The following LRP1B variants were observed in gnomAD, a reference collection of about 807,000 sequenced individuals.
LRP1B encodes LDL receptor related protein 1B.
In LRP1B, 217 loss-of-function variants were observed where a neutral mutation model predicts 556.6. That is an observed-to-expected ratio of 0.39 (90% confidence interval 0.35 to 0.44). LRP1B has a LOEUF of 0.44. LRP1B is among the 20% of genes least tolerant of loss of function. The pLI is 1.00. For missense variants in LRP1B, 5,053 were observed against 5,620.8 expected (o/e 0.90, Z 3.23); for synonymous variants, 2,047 against 1,865.8 (o/e 1.10, Z -2.50).
chr2:140,464,740 T>G (rs973278322), intron 60 of LRP1B, among the ~76,000 whole-genome samples: 1 of 152,190 alleles, frequency 6.6e-6, no homozygotes. Context: ...CTATAAGTAC[T>G]TACTATAAGA....
intron 79 of LRP1B, among the ~76,000 whole-genome samples, chr2:140,329,400 TCAGGCAAGA>T (rs1680672868): frequency 6.6e-6 from 1 of 152,056 alleles, no homozygotes; most frequent in Non-Finnish European, 1.5e-5. Context: ...GCCAGGGCAA[TCAGGCAAGA>T]GAAAGAAATA....
chr2:141,175,317 A>G (rs1179086940), intron 7 of LRP1B, among the ~76,000 whole-genome samples: 4 of 152,160 alleles, frequency 2.6e-5, no homozygotes, highest in African/African-American at 9.7e-5. Flanking sequence ...AACCAAGACA[A>G]TGAAGAAAAC....
At chr2:141,082,277 C>G (rs1412294223) in intron 7 of LRP1B, among the ~76,000 whole-genome samples, 1 of 152,186 alleles carries the variant, frequency 6.6e-6, no homozygotes. Flanking sequence ...GAGGCCATAG[C>G]TTGGCAGACA....
At chr2:141,114,806 G>T (rs1441395690) in intron 7 of LRP1B, among the ~76,000 whole-genome samples, 3 of 151,856 alleles carry the variant, frequency 2.0e-5, no homozygotes, top group African/African-American at 7.3e-5. Flanking sequence ...AGGAAAATTC[G>T]TAATTAAGTG....
chr2:141,450,051 A>C (rs531632183), intron 3 of LRP1B, among the ~76,000 whole-genome samples: 6 of 152,304 alleles, frequency 3.9e-5, no homozygotes, highest in African/African-American at 1.4e-4. Flanking sequence ...ATGCAAATGC[A>C]TTTATTATTT....
chr2:141,914,758 C>T (rs995399352), intron 1 of LRP1B, among the ~76,000 whole-genome samples: 6 of 152,066 alleles, frequency 3.9e-5, no homozygotes, highest in Admixed American at 1.3e-4. Flanking sequence ...TCTCCCCCAT[C>T]TCCCACCGCA....
chr2:141,157,730 G>C (rs1483170498), intron 7 of LRP1B, among the ~76,000 whole-genome samples: 1 of 152,028 alleles, frequency 6.6e-6, no homozygotes, highest in East Asian at 1.9e-4. Context: ...AGACAGTCTA[G>C]TTATCATTTG....
chr2:141,277,961 C>T (rs767840036), intron 3 of LRP1B, among the ~76,000 whole-genome samples: 38 of 151,976 alleles, frequency 2.5e-4, no homozygotes, highest in Non-Finnish European at 4.1e-4. Context: ...TGCAATGACA[C>T]GTAAGAATAA....
intron 35 of LRP1B, among the ~76,000 whole-genome samples, chr2:140,756,156 G>T (rs1688735291): frequency 6.6e-6 from 1 of 151,690 alleles, no homozygotes; most frequent in Admixed American, 6.6e-5. Context: ...TCTGAAAACT[G>T]AAAATCATTT....
chr2:141,030,293 G>T (rs889240491), intron 11 of LRP1B, among the ~76,000 whole-genome samples: 3 of 151,968 alleles, frequency 2.0e-5, no homozygotes, highest in Non-Finnish European at 2.9e-5. Flanking sequence ...GGCATGAATA[G>T]TTACACTGAC....
chr2:141,888,611 A>G (rs1699193622), intron 1 of LRP1B, among the ~76,000 whole-genome samples: 1 of 152,218 alleles, frequency 6.6e-6, no homozygotes, highest in Admixed American at 6.5e-5. Context: ...TACCTTCCAC[A>G]GACAAGAAAA....
At chr2:142,026,444 T>C (rs1703505147) in intron 1 of LRP1B, among the ~76,000 whole-genome samples, 1 of 152,134 alleles carries the variant, frequency 6.6e-6, no homozygotes, top group Admixed American at 6.6e-5. Context: ...ATCTATGTGA[T>C]AAATAACACC....
intron 14 of LRP1B, among the ~76,000 whole-genome samples, chr2:141,012,955 G>A (rs1697797857): frequency 6.6e-6 from 1 of 151,744 alleles, no homozygotes; most frequent in Admixed American, 6.6e-5. Context: ...CCTAAATTCT[G>A]AGTAATGCTA....
chr2:140,459,891 C>CACA (rs1467682280), intron 60 of LRP1B, among the ~76,000 whole-genome samples: 1 of 152,138 alleles, frequency 6.6e-6, no homozygotes. Flanking sequence ...CTCCTGCTGC[C>CACA]ATGTGAAGAC....
chr2:141,798,994 C>T (rs1220717932), intron 2 of LRP1B, among the ~76,000 whole-genome samples: 2 of 152,012 alleles, frequency 1.3e-5, no homozygotes, highest in Non-Finnish European at 2.9e-5. Context: ...AAGACAGCCA[C>T]CTGCAAGCCA....
intron 60 of LRP1B, among the ~76,000 whole-genome samples, chr2:140,472,409 G>GTT (rs1687806986): frequency 6.6e-6 from 1 of 152,036 alleles, no homozygotes; most frequent in African/African-American, 2.4e-5. Flanking sequence ...ACAGTAGAGT[G>GTT]ATACAGAGAA....
intron 31 of LRP1B, among the ~76,000 whole-genome samples, chr2:140,828,391 C>T (rs1283028084): frequency 1.3e-5 from 2 of 150,258 alleles, no homozygotes; most frequent in East Asian, 2.0e-4. Flanking sequence ...AGGCGGATCA[C>T]GAGGTCAGGA....
chr2:140,490,455 C>A (rs1221000788), intron 57 of LRP1B, among the ~76,000 whole-genome samples: 3 of 152,058 alleles, frequency 2.0e-5, no homozygotes, highest in Non-Finnish European at 4.4e-5. Flanking sequence ...CTGACTACAA[C>A]AAAGAGAATA....
At chr2:140,240,826 T>C (rs1441379279) in intron 87 of LRP1B, among the ~76,000 whole-genome samples, 1 of 150,908 alleles carries the variant, frequency 6.6e-6, no homozygotes, top group African/African-American at 2.4e-5. Context: ...CATGTGAAAG[T>C]ATCAAGGTAG....
Sources: gnomAD v4.1 joint callset for allele counts (sites outside exome capture counted in the v4.1 genomes callset) on GRCh38, gnomAD v4.1.1 for gene constraint, MANE v1.5 for transcripts, NCBI Gene and HGNC (gene_info 2026-07-23, HGNC 2026-07-21) for gene names.